The following ADARB2 variants were observed in gnomAD, a reference collection of about 807,000 sequenced individuals.
ADARB2 encodes adenosine deaminase RNA specific B2 (inactive), also known as inactive double-stranded RNA-specific editase B2.
In ADARB2, 25 loss-of-function variants were observed where a neutral mutation model predicts 62.2. That is an observed-to-expected ratio of 0.40 (90% CI 0.29 to 0.56). ADARB2 has a LOEUF of 0.56. Ranked by LOEUF, ADARB2 falls within the 20% of genes least tolerant of loss-of-function variation. ADARB2 has a pLI of 0.43. For synonymous variants in ADARB2, 572 were observed against 500.8 expected (o/e 1.14, Z -1.90); for missense variants, 1,071 against 1,077.4 (o/e 0.99, Z 0.08).
Position 1,730,511 on chromosome 10 carries a change from G to A in ADARB2, c.100+6540C>T, listed in dbSNP as rs75570272. 6.7e-3 allele frequency among the ~76,000 whole-genome samples: 1,022 copies of A among 152,228 alleles called. 39 individuals are homozygous for A. In the East Asian group the frequency reaches 0.1, roughly 15 times the overall value. On this transcript the variant is annotated intron_variant, in intron 1 of 9. Coordinates refer to ENST00000381312, the MANE Select transcript of ADARB2 (RefSeq NM_018702.4). ...CCCTCTGCCTTGGAAGCAGCTCAAC[G>A]AAGCCACCTGAATGCCACAATTTTA... is the stretch of plus-strand genomic sequence containing the variant.
intron 1 of ADARB2, among the ~76,000 whole-genome samples, chr10:1,713,333 G>A (rs77918216): frequency 4.6e-5 from 7 of 152,286 alleles, no homozygotes; most frequent in Non-Finnish European, 7.4e-5. Flanking sequence ...CCTTACCACA[G>A]AACTGTCTCG....
intron 4 of ADARB2, among the ~76,000 whole-genome samples, chr10:1,250,117 T>G (rs185912678): frequency 2.5e-3 from 361 of 144,030 alleles, no homozygotes; most frequent in Middle Eastern, 7.6e-3. Context: ...AGGTTTAACA[T>G]AATGAATCCT....
intron 1 of ADARB2, among the ~76,000 whole-genome samples, chr10:1,602,919 A>G (rs1411353999): frequency 2.0e-5 from 3 of 151,942 alleles, no homozygotes; most frequent in African/African-American, 7.3e-5. Context: ...ACACCTGTAT[A>G]TACATAGATG....
intron 3 of ADARB2, among the ~76,000 whole-genome samples, chr10:1,323,279 A>T (rs577538821): frequency 3.8e-4 from 58 of 151,146 alleles, no homozygotes; most frequent in Non-Finnish European, 6.2e-4. Context: ...CACTGTTAGG[A>T]TATGTATGAC....
At chr10:1,242,691 A>G (rs1390222790) in intron 4 of ADARB2, among the ~76,000 whole-genome samples, 3 of 152,060 alleles carry the variant, frequency 2.0e-5, no homozygotes. Context: ...CCAACCTCTA[A>G]CCACCTTTGT....
chr10:1,714,472 C>A (rs1345287147), intron 1 of ADARB2, among the ~76,000 whole-genome samples: 1 of 152,228 alleles, frequency 6.6e-6, no homozygotes, highest in Non-Finnish European at 1.5e-5. Flanking sequence ...GCATCTGAAC[C>A]AGCCAACGCC....
intron 1 of ADARB2, among the ~76,000 whole-genome samples, chr10:1,640,230 G>A (rs1028656408): frequency 6.6e-6 from 1 of 152,064 alleles, no homozygotes; most frequent in Non-Finnish European, 1.5e-5. Flanking sequence ...CGTTTTCCTT[G>A]GACAATTATA....
rs753883727 is a variant in ADARB2, at chr10:1,366,532, G to A, written c.188-2615C>T. On this transcript the variant is annotated intron_variant, in intron 2 of 9. Coordinates refer to ENST00000381312, the MANE Select transcript of ADARB2 (RefSeq NM_018702.4). ...GACTTTGCTGCTTCCCATTGCCCCA[G>A]TCAGCCCTGGGGAGGGTATTAATGT... Among the ~76,000 whole-genome samples the A allele has an allele frequency of 5.5e-4, 83 of 152,280 alleles. 1 individual carries two copies. Among genetic ancestry groups the A allele is most frequent in the South Asian group, 1.5e-3 (7 of 4,818 alleles).
At position 1,632,315 on chromosome 10, in the gene ADARB2, C is replaced by T. The variant is rs1460588803; in HGVS notation, c.100+104736G>A. Among the ~76,000 whole-genome samples the T allele has an allele frequency of 2.0e-5, 3 of 152,228 alleles. No homozygotes were observed. The East Asian group carries it at 5.8e-4, about 29-fold the overall frequency. On this transcript the variant is annotated intron_variant, in intron 1 of 9. Transcript: ENST00000381312. Reference sequence around the variant, plus strand: ...CTACACACATGCGCACACACACAGGCACACAATACTCACGTGCACACACAT... The same window carrying T: ...CTACACACATGCGCACACACACAGGTACACAATACTCACGTGCACACACAT...
chr10:1,360,323 A>G (rs979648774), intron 3 of ADARB2, among the ~76,000 whole-genome samples: 26 of 152,228 alleles, frequency 1.7e-4, no homozygotes, highest in African/African-American at 5.8e-4. Flanking sequence ...CTTGTCCTCC[A>G]GACACAGGTG....
At chr10:1,368,123 C>A (rs1445317010) in intron 2 of ADARB2, among the ~76,000 whole-genome samples, 1 of 146,744 alleles carries the variant, frequency 6.8e-6, no homozygotes, top group Non-Finnish European at 1.6e-5. Context: ...GTGGCCTCTG[C>A]ATGGAGCTGT....
At chr10:1,302,952 A>T (rs1007211116) in intron 3 of ADARB2, among the ~76,000 whole-genome samples, 4 of 152,078 alleles carry the variant, frequency 2.6e-5, no homozygotes, top group African/African-American at 9.7e-5. Context: ...AAAACTGGAA[A>T]CTCTAAAAAT....
intron 1 of ADARB2, among the ~76,000 whole-genome samples, chr10:1,499,622 CCACTCACCACTCATTCATCACCCACCACT>C (rs1454055903): frequency 6.6e-6 from 1 of 151,166 alleles, no homozygotes; most frequent in African/African-American, 2.4e-5. Flanking sequence ...TCATCATTCA[CCACTCACCACTCATTCATCACCCACCACT>C]CACTCATTAC....
chr10:1,436,222 CTTGGA>C (rs1173120352), intron 1 of ADARB2, among the ~76,000 whole-genome samples: 1 of 152,284 alleles, frequency 6.6e-6, no homozygotes, highest in South Asian at 2.1e-4. Flanking sequence ...TCAGAAGCCA[CTTGGA>C]TTGATCTGTT....
chr10:1,245,267 C>G (rs973907626), intron 4 of ADARB2, among the ~76,000 whole-genome samples: 2 of 152,136 alleles, frequency 1.3e-5, no homozygotes, highest in East Asian at 3.9e-4. Flanking sequence ...AGAAAATGTG[C>G]TTGAGTACCA....
At chr10:1,693,791 T>C (rs1834702127) in intron 1 of ADARB2, among the ~76,000 whole-genome samples, 1 of 152,220 alleles carries the variant, frequency 6.6e-6, no homozygotes, top group African/African-American at 2.4e-5. Flanking sequence ...CAAATTTCTA[T>C]GGTAGTTATA....
chr10:1,262,300 A>ATAATAG (rs1831147857), intron 4 of ADARB2, among the ~76,000 whole-genome samples: 1 of 144,608 alleles, frequency 6.9e-6, no homozygotes, highest in Non-Finnish European at 1.5e-5. Flanking sequence ...AATAATAATA[A>ATAATAG]TAATAATAAT....
chr10:1,654,707 T>C (rs559164251), intron 1 of ADARB2, among the ~76,000 whole-genome samples: 1 of 152,246 alleles, frequency 6.6e-6, no homozygotes, highest in Non-Finnish European at 1.5e-5. Context: ...CCTCAGAGGG[T>C]GGAGTGGGCA....
intron 3 of ADARB2, among the ~76,000 whole-genome samples, chr10:1,274,141 C>G (rs1227469742): frequency 1.3e-5 from 2 of 152,252 alleles, no homozygotes; most frequent in Non-Finnish European, 2.9e-5. Context: ...AGACTGCTCT[C>G]CCGCCGGTCC....
Sources: gnomAD v4.1 joint callset for allele counts (sites outside exome capture counted in the v4.1 genomes callset) on GRCh38, gnomAD v4.1.1 for gene constraint, MANE v1.5 for transcripts, NCBI Gene and HGNC (gene_info 2026-07-23, HGNC 2026-07-21) for gene names.